Variants in IMPG2 observed in about 807,000 individuals in gnomAD.
The protein encoded by IMPG2 is interphotoreceptor matrix proteoglycan 2, also known as IPM 200.
In IMPG2, 91 loss-of-function variants were observed where a neutral mutation model predicts 129.2. The observed-to-expected ratio is 0.70, with a 90% CI of 0.59 to 0.84. The LOEUF (loss-of-function observed/expected upper bound fraction) is 0.84. IMPG2 is among the 40% of genes least tolerant of loss of function. The probability of loss-of-function intolerance (pLI) is 0.00; values close to 1 mark genes in which losing one functional copy is unlikely to be tolerated. For synonymous variants in IMPG2, 510 were observed against 517.7 expected, an observed-to-expected ratio of 0.99 and a Z score of 0.20; for missense variants, 1,430 against 1,461.7, an observed-to-expected ratio of 0.98 and a Z score of 0.35.
intron 2 of IMPG2, among the ~76,000 whole-genome samples, chr3:101,318,413 T>C (rs2058795740): frequency 2.0e-5 from 3 of 151,864 alleles, no homozygotes; most frequent in Admixed American, 2.0e-4. Context: ...AATCAAGAAA[T>C]AGAAATACAC....
In IMPG2 at chr3:101,245,989, T is replaced by C. The variant is rs771940029; in HGVS notation, c.1356A>G (p.Glu452=). The change falls in exon 12 of 19, where the codon GAA becomes GAG. Residue 452 remains glutamate (E), a synonymous_variant. Transcript: ENST00000193391. ...PSATGRELWS[E]SPLGDLVSTH... is the part of the protein sequence containing the mutation. ...TAGACACTAAATCACCCAAAGGACT[T>C]TCTGACCAGAGTTCCCTGCCAGTGG... is the stretch of plus-strand genomic sequence containing the variant. 1.2e-6 allele frequency: 2 copies of C among 1,614,122 alleles called. No individual in the cohort carries two copies. Among genetic ancestry groups the C allele is most frequent in the South Asian group, 2.2e-5 (2 of 91,076 alleles).
At chr3:101,303,478 G>C (rs750694542) in intron 3 of IMPG2, among the ~76,000 whole-genome samples, 1 of 152,192 alleles carries the variant, frequency 6.6e-6, no homozygotes, top group Non-Finnish European at 1.5e-5. Context: ...CAGAGGAACT[G>C]AATAGATGGA....
At chr3:101,239,146 G>C (rs1019460189) in intron 14 of IMPG2, among the ~76,000 whole-genome samples, 1 of 152,144 alleles carries the variant, frequency 6.6e-6, no homozygotes, top group Non-Finnish European at 1.5e-5. Flanking sequence ...GAGTGAACAG[G>C]CAACCTACAG....
intron 4 of IMPG2, among the ~76,000 whole-genome samples, chr3:101,278,133 G>C (rs1576761045): frequency 6.6e-6 from 1 of 152,318 alleles, no homozygotes; most frequent in Non-Finnish European, 1.5e-5. Flanking sequence ...TACTCAGGAG[G>C]CTGAGGTATG....
chr3:101,256,201 GAAAGAAAGAA>G (rs879501688), intron 10 of IMPG2, among the ~76,000 whole-genome samples: 9 of 148,182 alleles, frequency 6.1e-5, no homozygotes, highest in African/African-American at 9.9e-5. Context: ...AAGAAAGAAA[GAAAGAAAGAA>G]AGAAAGAAAA....
rs1460562988 is a variant in IMPG2, at chr3:101,269,507, C to T, written c.887+8G>A. 2 of 1,494,408 alleles carry T rather than the reference C, an allele frequency of 1.3e-6. No homozygotes were observed. The highest frequency in any genetic ancestry group is 2.3e-5 in the South Asian group (2 of 88,424). The allele number at this position is 1,494,408 out of a possible 1,614,324, so 92.6% of individuals were successfully genotyped here. A position where few individuals can be genotyped will look rare whatever the true frequency, so the allele number is the denominator to read the frequency against. On this transcript the variant is annotated splice_region_variant and intron_variant, in intron 8 of 18. Transcript: ENST00000193391. ...TGAAAATGTGCATATTTAGATAAGT[C>T]TATTTACCTAAATTCAAGTACACGA...
chr3:101,294,545 A>G (rs1707057757), intron 3 of IMPG2, among the ~76,000 whole-genome samples: 1 of 152,200 alleles, frequency 6.6e-6, no homozygotes, highest in Non-Finnish European at 1.5e-5. Context: ...TAGTGGTGCA[A>G]TAAACATACA....
At chr3:101,246,908 GGCAATATA>G (rs1231769412) in intron 11 of IMPG2, among the ~76,000 whole-genome samples, 1 of 151,850 alleles carries the variant, frequency 6.6e-6, no homozygotes, top group Non-Finnish European at 1.5e-5. Flanking sequence ...GTCCAGACTG[GGCAATATA>G]GCAAGACCGC....
intron 2 of IMPG2, among the ~76,000 whole-genome samples, chr3:101,314,471 G>A (rs2058773185): frequency 6.6e-6 from 1 of 152,008 alleles, no homozygotes; most frequent in Non-Finnish European, 1.5e-5. Flanking sequence ...TTAAACAAAT[G>A]AAACTATACC....
At chr3:101,249,899 C>T (rs909742938) in intron 11 of IMPG2, among the ~76,000 whole-genome samples, 12 of 151,606 alleles carry the variant, frequency 7.9e-5, no homozygotes, top group East Asian at 3.9e-4. Context: ...TCTGTCTCTA[C>T]GAAAAACATA....
intron 2 of IMPG2, among the ~76,000 whole-genome samples, chr3:101,316,472 G>T (rs1326390175): frequency 1.3e-5 from 2 of 151,868 alleles, no homozygotes; most frequent in Non-Finnish European, 2.9e-5. Context: ...ACTAAAAAAA[G>T]ATATATAAAT....
At chr3:101,242,595 G>T in intron 14 of IMPG2, 93 bp downstream of exon 14, 1 of 935,774 alleles carries the variant, frequency 1.1e-6, no homozygotes, top group Non-Finnish European at 1.8e-6. Flanking sequence ...TTTCCTGCAA[G>T]TATTGGATTC....
At chr3:101,310,803 T>C (rs532644429) in intron 2 of IMPG2, among the ~76,000 whole-genome samples, 2 of 152,226 alleles carry the variant, frequency 1.3e-5, no homozygotes, top group East Asian at 3.9e-4. Flanking sequence ...ATCACCAGGC[T>C]TCATAGCAGA....
chr3:101,236,864 A>G (rs1204851464), intron 14 of IMPG2, among the ~76,000 whole-genome samples: 1 of 152,152 alleles, frequency 6.6e-6, no homozygotes, highest in Non-Finnish European at 1.5e-5. Flanking sequence ...CCAGCAAGAT[A>G]GAACCGTTTA....
At chr3:101,301,443 G>T (rs1214734018) in intron 3 of IMPG2, among the ~76,000 whole-genome samples, 1 of 152,134 alleles carries the variant, frequency 6.6e-6, no homozygotes, top group African/African-American at 2.4e-5. Context: ...AATAAAGTAT[G>T]CCCGCACTAA....
At position 101,257,776 on chromosome 3, in the gene IMPG2, A is replaced by G. The variant is rs373959728; in HGVS notation, c.909-3T>C. The G allele has an allele frequency of 1.1e-5, 17 of 1,612,800 alleles. No individual in the cohort carries two copies. The highest frequency in any genetic ancestry group is 9.9e-5 in the South Asian group (9 of 91,068). ...CTGCATAGTAAACATCTACGCCACT[A>G]TGGATGGAAAGAGAGAACAGGTTAG... On this transcript the variant is annotated splice_polypyrimidine_tract_variant and splice_region_variant and intron_variant, in intron 9 of 18. Transcript: ENST00000193391.
intron 11 of IMPG2, among the ~76,000 whole-genome samples, chr3:101,250,435 A>C (rs1706531494): frequency 6.6e-6 from 1 of 152,232 alleles, no homozygotes; most frequent in South Asian, 2.1e-4. Context: ...GAGCATGCAC[A>C]TGTATGTGAA....
chr3:101,230,709 T>A (rs1020135659), intron 16 of IMPG2, among the ~76,000 whole-genome samples: 1 of 152,192 alleles, frequency 6.6e-6, no homozygotes, highest in Non-Finnish European at 1.5e-5. Flanking sequence ...ATTAAAACTT[T>A]TAAGACTCTT....
intron 7 of IMPG2, among the ~76,000 whole-genome samples, chr3:101,272,345 A>T (rs922384671): frequency 3.9e-5 from 6 of 152,116 alleles, no homozygotes; most frequent in Non-Finnish European, 2.9e-5. Context: ...TAGACATTTC[A>T]TTCCAGGTAA....
Sources: allele counts gnomAD v4.1 joint callset (sites outside exome capture counted in the v4.1 genomes callset), GRCh38; gene constraint gnomAD v4.1.1; transcripts MANE v1.5; gene names NCBI Gene and HGNC (gene_info 2026-07-23, HGNC 2026-07-21).